PABPC4L: variants seen among roughly 807,000 people sequenced by gnomAD.
PABPC4L encodes polyadenylate-binding protein 4-like.
For missense variants in PABPC4L, 452 were observed against 451.4 expected (o/e 1.00, Z -0.01); for synonymous variants, 169 against 164.1 (o/e 1.03, Z -0.23).
chr4:134,157,125 G>T, the PABPC4L span, among the ~76,000 whole-genome samples: 15 of 151,798 alleles, frequency 9.9e-5, no homozygotes, highest in African/African-American at 3.1e-4. Context: ...TTAATTTTGA[G>T]AAATAATGTA....
At chr4:134,074,134 C>T in the PABPC4L span, among the ~76,000 whole-genome samples, 1 of 152,144 alleles carries the variant, frequency 6.6e-6, no homozygotes, top group African/African-American at 2.4e-5. Context: ...TGTCAGGATG[C>T]ACATTTTTTG....
At chr4:134,059,386 C>CTATATATA in the PABPC4L span, among the ~76,000 whole-genome samples, 3,280 of 142,420 alleles carry the variant, frequency 0.023, 41 homozygotes, top group Non-Finnish European at 0.033. Flanking sequence ...AGGAAACAAA[C>CTATATATA]TATATATATA....
chr4:134,180,013 T>G, the PABPC4L span, among the ~76,000 whole-genome samples: 1 of 152,044 alleles, frequency 6.6e-6, no homozygotes, highest in Non-Finnish European at 1.5e-5. Flanking sequence ...ACAAAGGTAT[T>G]TGTGACCTGA....
the PABPC4L span, among the ~76,000 whole-genome samples, chr4:133,974,179 T>A: frequency 6.7e-6 from 1 of 149,032 alleles, no homozygotes; most frequent in East Asian, 1.9e-4. Flanking sequence ...AATTGGGAAA[T>A]AATTGAATGT....
chr4:134,007,415 C>G, the PABPC4L span, among the ~76,000 whole-genome samples: 1 of 151,534 alleles, frequency 6.6e-6, no homozygotes, highest in Non-Finnish European at 1.5e-5. Flanking sequence ...ATTCCTAGTA[C>G]TACTTCTTTA....
the PABPC4L span, among the ~76,000 whole-genome samples, chr4:134,166,223 C>G: frequency 6.6e-6 from 1 of 151,916 alleles, no homozygotes; most frequent in East Asian, 1.9e-4. Context: ...TCAGACTTCA[C>G]AAGTATATAG....
At chr4:134,186,509 A>G in the PABPC4L span, among the ~76,000 whole-genome samples, 1 of 152,178 alleles carries the variant, frequency 6.6e-6, no homozygotes, top group African/African-American at 2.4e-5. Context: ...CTGAAACTGG[A>G]TCCCTTCCTT....
At chr4:134,001,081 G>A in the PABPC4L span, among the ~76,000 whole-genome samples, 1 of 151,868 alleles carries the variant, frequency 6.6e-6, no homozygotes, top group Non-Finnish European at 1.5e-5. Context: ...GTTACGTAAC[G>A]TTTTCAACAG....
At chr4:133,987,804 A>T in the PABPC4L span, among the ~76,000 whole-genome samples, 9 of 152,324 alleles carry the variant, frequency 5.9e-5, no homozygotes, top group African/African-American at 2.2e-4. Context: ...ATATACAAGC[A>T]TACTTTGTAT....
downstream of PABPC4L, among the ~76,000 whole-genome samples, chr4:134,191,426 T>C (rs907730158): frequency 1.3e-5 from 2 of 152,128 alleles, no homozygotes; most frequent in African/African-American, 4.8e-5. Flanking sequence ...TTCCTCAGAA[T>C]ATGCCACATG....
chr4:134,164,567 A>G, the PABPC4L span, among the ~76,000 whole-genome samples: 10 of 152,164 alleles, frequency 6.6e-5, no homozygotes, highest in Non-Finnish European at 8.8e-5. Flanking sequence ...ATATTCTTAA[A>G]AAATGTGAAA....
chr4:134,150,875 A>T, the PABPC4L span, among the ~76,000 whole-genome samples: 1 of 152,184 alleles, frequency 6.6e-6, no homozygotes, highest in Non-Finnish European at 1.5e-5. Flanking sequence ...TAAACTCAAA[A>T]TATCTCAAAT....
the PABPC4L span, among the ~76,000 whole-genome samples, chr4:134,175,767 A>G: frequency 1.3e-5 from 2 of 152,214 alleles, no homozygotes; most frequent in Non-Finnish European, 2.9e-5. Context: ...CAGTTTTAAA[A>G]GAAGCAATTA....
At chr4:134,051,609 A>G in the PABPC4L span, among the ~76,000 whole-genome samples, 12 of 152,096 alleles carry the variant, frequency 7.9e-5, no homozygotes, top group African/African-American at 1.2e-4. Flanking sequence ...TGTTCTTTTT[A>G]GGCATTGAAA....
chr4:134,069,709 G>A, the PABPC4L span, among the ~76,000 whole-genome samples: 147 of 152,012 alleles, frequency 9.7e-4, no homozygotes, highest in African/African-American at 3.4e-3. Flanking sequence ...TTCATCTTTC[G>A]TATCCTGTAT....
At chr4:134,087,791 C>G in the PABPC4L span, among the ~76,000 whole-genome samples, 1 of 152,124 alleles carries the variant, frequency 6.6e-6, no homozygotes, top group Non-Finnish European at 1.5e-5. Context: ...ATTTATCTCC[C>G]TTCTTCCTTC....
At chr4:134,039,175 G>A in the PABPC4L span, among the ~76,000 whole-genome samples, 1 of 152,106 alleles carries the variant, frequency 6.6e-6, no homozygotes, top group South Asian at 2.1e-4. Context: ...TCACTGCACT[G>A]TGGTCTGAGA....
At chr4:134,101,454 A>T in the PABPC4L span, among the ~76,000 whole-genome samples, 2 of 151,436 alleles carry the variant, frequency 1.3e-5, no homozygotes, top group African/African-American at 2.4e-5. Context: ...TGCACGAAAG[A>T]TGTTTTACTT....
At chr4:133,951,985 A>T in the PABPC4L span, among the ~76,000 whole-genome samples, 1 of 152,072 alleles carries the variant, frequency 6.6e-6, no homozygotes, top group Non-Finnish European at 1.5e-5. Flanking sequence ...CACCAATTAG[A>T]TGTCCTAAAT....
Sources: allele counts gnomAD v4.1 joint callset (sites outside exome capture counted in the v4.1 genomes callset), GRCh38; gene constraint gnomAD v4.1.1; transcripts MANE v1.5; gene names NCBI Gene and HGNC (gene_info 2026-07-23, HGNC 2026-07-21).